The following HDAC9 variants were observed in gnomAD, a reference collection of about 807,000 sequenced individuals.
The protein encoded by HDAC9 is histone deacetylase 9.
HDAC9 carries 41 observed loss-of-function variants against 139.4 expected under a neutral mutation model. That is an observed-to-expected ratio of 0.29 (90% confidence interval 0.23 to 0.38). The LOEUF (loss-of-function observed/expected upper bound fraction) is 0.38, where lower values mean the gene tolerates loss of function less well. HDAC9 is among the 10% of genes least tolerant of loss of function. The pLI is 1.00. For missense variants in HDAC9, 1,147 were observed against 1,297.0 expected (o/e 0.88, Z 1.78); for synonymous variants, 517 against 476.2 (o/e 1.09, Z -1.12).
intron 12 of HDAC9, chr7:18,668,492 CTT>C (rs1244510326): frequency 1.0e-6 from 1 of 978,410 alleles, no homozygotes; most frequent in Non-Finnish European, 1.2e-6. Context: ...GCTGAGCAGA[CTT>C]TTGTATAATA....
intron 11 of HDAC9, among the ~76,000 whole-genome samples, chr7:18,649,615 G>A (rs58820211): frequency 0.018 from 2,682 of 152,218 alleles, 83 homozygotes; most frequent in African/African-American, 0.061. Context: ...GTACTATGAT[G>A]TAAGAAACAA....
chr7:18,735,510 G>A (rs1178700101), intron 13 of HDAC9, among the ~76,000 whole-genome samples: 1 of 152,080 alleles, frequency 6.6e-6, no homozygotes, highest in East Asian at 1.9e-4. Flanking sequence ...CCCATTTCTT[G>A]TTTTTGTCAG....
intron 1 of HDAC9, among the ~76,000 whole-genome samples, chr7:18,481,130 T>G (rs1157415562): frequency 1.3e-5 from 2 of 152,096 alleles, no homozygotes; most frequent in Non-Finnish European, 2.9e-5. Context: ...GAGCTGCTGG[T>G]TTTTTGGAGA....
Position 18,363,732 on chromosome 7 carries a change from A to G in HDAC9, c.-42+73217A>G, listed in dbSNP as rs144227419. On this transcript the variant is annotated intron_variant, in intron 1 of 3. Coordinates refer to the HDAC9 transcript ENST00000413509. The stretch of plus-strand genomic sequence containing the variant: ...GCCAATGGGCTGAACAGTGAGGAAG[A>G]CATAAATAGAGACAAACGGGGACAT... Among the ~76,000 whole-genome samples, 268 of 152,276 alleles carry G rather than the reference A, an allele frequency of 1.8e-3. 3 individuals carry two copies. Among genetic ancestry groups the G allele is most frequent in the Admixed American group, 0.017 (254 of 15,278 alleles).
intron 21 of HDAC9, among the ~76,000 whole-genome samples, chr7:18,868,623 T>C (rs927017277): frequency 6.6e-6 from 1 of 152,214 alleles, no homozygotes; most frequent in Non-Finnish European, 1.5e-5. Flanking sequence ...CTCCCATAGT[T>C]CTTGCTACAG....
chr7:18,679,268 A>G (rs1781726358), intron 12 of HDAC9, among the ~76,000 whole-genome samples: 2 of 151,926 alleles, frequency 1.3e-5, no homozygotes, highest in African/African-American at 2.4e-5. Context: ...CTTTAAAGGC[A>G]GATATGAGGG....
At chr7:18,694,023 C>T (rs923964500) in intron 12 of HDAC9, among the ~76,000 whole-genome samples, 1 of 152,126 alleles carries the variant, frequency 6.6e-6, no homozygotes, top group African/African-American at 2.4e-5. Context: ...AGCAAAACAT[C>T]TTGAATTGCT....
chr7:18,727,391 C>T (rs1259330302), intron 12 of HDAC9, among the ~76,000 whole-genome samples, 189 bp from the exon 13 acceptor site: 3 of 152,244 alleles, frequency 2.0e-5, no homozygotes, highest in Non-Finnish European at 4.4e-5. Context: ...AGTGTGAAAA[C>T]ATCTGTTGAA....
At chr7:18,873,441 A>G (rs1398479319) in intron 21 of HDAC9, among the ~76,000 whole-genome samples, 1 of 152,186 alleles carries the variant, frequency 6.6e-6, no homozygotes, top group East Asian at 1.9e-4. Context: ...TTTTTATTGC[A>G]TAACTGCAAC....
At chr7:18,796,774 G>C (rs1170550208) in intron 17 of HDAC9, among the ~76,000 whole-genome samples, 1 of 152,098 alleles carries the variant, frequency 6.6e-6, no homozygotes, top group African/African-American at 2.4e-5. Flanking sequence ...CAAAGACATA[G>C]AAATAGCTCT....
At position 18,139,121 on chromosome 7, in the gene HDAC9, CTTTTT is replaced by C. The variant is rs552350047; in HGVS notation, c.-96-23090_-96-23086del. 2.6e-3 allele frequency among the ~76,000 whole-genome samples: 271 copies of C among 105,918 alleles called. 1 individual carries two copies. Among genetic ancestry groups the C allele is most frequent in the African/African-American group, 7.9e-3 (218 of 27,698 alleles). The allele number at this position is 105,918 out of a possible 152,430, so 69.5% of individuals were successfully genotyped here. ...CACCATCATATAATTATAATCTGGA[CTTTTT>C]TTTTTTTTTTTTTTTTTGAGACAGG... On this transcript the variant is annotated intron_variant, in intron 1 of 12. Transcript: ENST00000417496.
chr7:18,793,062 C>G (rs1792469041), intron 16 of HDAC9: 1 of 377,402 alleles, frequency 2.6e-6, no homozygotes, highest in Non-Finnish European at 5.0e-6. Flanking sequence ...GAAATCTAAA[C>G]AGGGAATGGC....
At chr7:18,123,271 C>T (rs1009035695) in intron 1 of HDAC9, among the ~76,000 whole-genome samples, 2 of 152,096 alleles carry the variant, frequency 1.3e-5, no homozygotes, top group African/African-American at 2.4e-5. Flanking sequence ...GTTTAAAAGC[C>T]AGAACTCCAA....
At chr7:18,440,480 C>T (rs943794444) in intron 1 of HDAC9, among the ~76,000 whole-genome samples, 83 of 152,058 alleles carry the variant, frequency 5.5e-4, no homozygotes, top group African/African-American at 1.8e-3. Flanking sequence ...CCACCAGGCC[C>T]GGCCGGTTTA....
At chr7:18,352,726 G>C (rs1434004349) in intron 1 of HDAC9, among the ~76,000 whole-genome samples, 2 of 151,930 alleles carry the variant, frequency 1.3e-5, no homozygotes, top group Non-Finnish European at 2.9e-5. Context: ...TATAGAGTTA[G>C]TGAATCTCGG....
intron 1 of HDAC9, among the ~76,000 whole-genome samples, chr7:18,455,219 T>C (rs1793234623): frequency 6.6e-6 from 1 of 152,104 alleles, no homozygotes; most frequent in Admixed American, 6.6e-5. Context: ...GTCATGTAAA[T>C]AAAGATAAAA....
intron 1 of HDAC9, among the ~76,000 whole-genome samples, chr7:18,093,710 G>A (rs937745769): frequency 4.6e-5 from 7 of 151,994 alleles, no homozygotes; most frequent in African/African-American, 1.7e-4. Flanking sequence ...TTGGCCATAG[G>A]GTTCTTTCTA....
At chr7:18,795,257 T>TAAAAAAAAAAAAAAAAAAAAAAAAA (rs5882676) in intron 17 of HDAC9, among the ~76,000 whole-genome samples, 3 of 65,496 alleles carry the variant, frequency 4.6e-5, no homozygotes, top group African/African-American at 2.1e-4. Context: ...AAGAAAACAG[T>TAAAAAAAAAAAAAAAAAAAAAAAAA]AAAAAAAAAA....
intron 8 of HDAC9, among the ~76,000 whole-genome samples, chr7:18,640,634 C>T (rs1307170532): frequency 6.6e-6 from 1 of 151,810 alleles, no homozygotes; most frequent in Non-Finnish European, 1.5e-5. Context: ...TGAATTTTTA[C>T]ATCATATATA....
Sources: gnomAD v4.1 joint callset for allele counts (sites outside exome capture counted in the v4.1 genomes callset) on GRCh38, gnomAD v4.1.1 for gene constraint, MANE v1.5 for transcripts, NCBI Gene and HGNC (gene_info 2026-07-23, HGNC 2026-07-21) for gene names.